The following STK3 variants were observed in gnomAD, a reference collection of about 807,000 sequenced individuals.
The protein encoded by STK3 is serine/threonine-protein kinase 3.
Under a neutral mutation model 58.0 loss-of-function variants are expected in STK3, and 41 were observed. The ratio of observed to expected loss-of-function variants is 0.71; its 90% confidence interval spans 0.55 to 0.92. The LOEUF (loss-of-function observed/expected upper bound fraction) is 0.92, where lower values mean the gene tolerates loss of function less well. Among genes scored for constraint, STK3 ranks in the 40% least tolerant of loss-of-function variants. STK3 has a pLI of 0.00. For synonymous variants in STK3, 170 were observed against 191.0 expected, an observed-to-expected ratio of 0.89 and a Z score of 0.91; for missense variants, 479 against 602.7, an observed-to-expected ratio of 0.79 and a Z score of 2.15.
chr8:98,594,024 T>C (rs1360823611), intron 7 of STK3, among the ~76,000 whole-genome samples: 1 of 152,104 alleles, frequency 6.6e-6, no homozygotes, highest in Non-Finnish European at 1.5e-5. Flanking sequence ...CATATATATT[T>C]CAGCAGGGCG....
In STK3 at chr8:98,858,735, T is replaced by G. The variant is rs535309775; in HGVS notation, c.110+24912A>C. On this transcript the variant is annotated intron_variant, in intron 3 of 12. Transcript: ENST00000523601. The stretch of plus-strand genomic sequence containing the variant: ...GGTGAAATCCTGTCTCTACTAAAAA[T>G]ACAAAAATTAGCTGGGCGTGGTGGT... Among the ~76,000 whole-genome samples the G allele has an allele frequency of 2.7e-3, 413 of 151,674 alleles. 3 individuals are homozygous for G. The highest frequency in any genetic ancestry group is 4.5e-3 in the Non-Finnish European group (307 of 67,886).
At chr8:98,706,145 C>T (rs1587364931) in intron 6 of STK3, among the ~76,000 whole-genome samples, 1 of 151,450 alleles carries the variant, frequency 6.6e-6, no homozygotes, top group African/African-American at 2.4e-5. Flanking sequence ...CTACCACAAT[C>T]AAGAAAACAA....
At chr8:98,364,764 T>C in the STK3 span, among the ~76,000 whole-genome samples, 1 of 152,196 alleles carries the variant, frequency 6.6e-6, no homozygotes, top group Non-Finnish European at 1.5e-5. Context: ...ATGCCTCGTA[T>C]TTGCCTTCCA....
At chr8:98,546,972 T>G (rs1810750304) in intron 9 of STK3, among the ~76,000 whole-genome samples, 1 of 152,158 alleles carries the variant, frequency 6.6e-6, no homozygotes, top group Non-Finnish European at 1.5e-5. Flanking sequence ...GGGTCAGACC[T>G]CATGGCGGAG....
At chr8:98,877,295 A>G (rs1004369039) in intron 3 of STK3, among the ~76,000 whole-genome samples, 4 of 152,202 alleles carry the variant, frequency 2.6e-5, no homozygotes, top group African/African-American at 9.6e-5. Context: ...GCAGTCTGAC[A>G]TCCTCCATAT....
At chr8:98,928,072 C>T (rs1839869035) in intron 1 of STK3, among the ~76,000 whole-genome samples, 1 of 152,124 alleles carries the variant, frequency 6.6e-6, no homozygotes, top group South Asian at 2.1e-4. Context: ...AGTGGGGAGC[C>T]TAGAGAAGAT....
chr8:98,794,852 G>C (rs1033006027), intron 1 of STK3, among the ~76,000 whole-genome samples: 3 of 151,698 alleles, frequency 2.0e-5, no homozygotes, highest in African/African-American at 7.3e-5. Context: ...TGGGTCACCT[G>C]AGGTTGGGAG....
At chr8:98,927,739 C>T (rs906430688) in intron 1 of STK3, among the ~76,000 whole-genome samples, 1 of 152,176 alleles carries the variant, frequency 6.6e-6, no homozygotes, top group Non-Finnish European at 1.5e-5. Flanking sequence ...GACACACTTC[C>T]CTGCTCTAGG....
At chr8:98,583,502 C>A (rs1003021562) in intron 7 of STK3, among the ~76,000 whole-genome samples, 80 of 113,790 alleles carry the variant, frequency 7.0e-4, no homozygotes, top group African/African-American at 2.4e-3. Flanking sequence ...TTGGGGTGGG[C>A]TGGGGTGGGA....
intron 3 of STK3, among the ~76,000 whole-genome samples, chr8:98,419,874 T>C (rs979026389): frequency 6.6e-6 from 1 of 152,200 alleles, no homozygotes; most frequent in Non-Finnish European, 1.5e-5. Context: ...TCATTGTCCA[T>C]GCTCTGTCTC....
rs948464375 is a variant in STK3, at chr8:98,429,587, G to A, written n.483+4540C>T. ...CAGTTTTTAGAATCGTTTTTAGAGG[G>A]TGGTGTGTCTGACACCATGCCTTTG... is the stretch of plus-strand genomic sequence containing the variant. On this transcript the variant is annotated intron_variant and non_coding_transcript_variant, in intron 3 of 3. Coordinates refer to the STK3 transcript ENST00000517832. 4 of 590,412 alleles carry A rather than the reference G, an allele frequency of 6.8e-6. No homozygotes were observed. In the African/African-American group the frequency reaches 7.5e-5, roughly 11 times the overall value. The allele number at this position is 590,412 out of a possible 1,614,324, so 36.6% of individuals were successfully genotyped here. A position where few individuals can be genotyped will look rare whatever the true frequency, so the allele number is the denominator to read the frequency against.
rs1469332607 is a variant in STK3 at position 98,923,528 on chromosome 8, A to G, written c.-79+18850T>C. 2.0e-5 allele frequency among the ~76,000 whole-genome samples: 3 copies of G among 152,322 alleles called. No individual in the cohort carries two copies. In the East Asian group the frequency reaches 5.8e-4, roughly 29 times the overall value. On this transcript the variant is annotated intron_variant, in intron 1 of 1. Coordinates refer to the STK3 transcript ENST00000519420. ...AACTGTGACAGAAGAAATCATGAAA[A>G]CAAACAAACAAACCTAAACCCTAGC...
intron 10 of STK3, among the ~76,000 whole-genome samples, chr8:98,462,793 T>C (rs1293174722): frequency 1.3e-5 from 2 of 152,208 alleles, no homozygotes; most frequent in Non-Finnish European, 2.9e-5. Context: ...ATAATCAACC[T>C]TTTGAATTCT....
chr8:98,907,349 T>TA (rs1368844604), intron 1 of STK3, among the ~76,000 whole-genome samples: 1 of 149,332 alleles, frequency 6.7e-6, no homozygotes, highest in Non-Finnish European at 1.5e-5. Flanking sequence ...CCGTCTTTAC[T>TA]AAAAATACAA....
chr8:98,445,954 G>GAAAAA (rs1430211059), intron 1 of STK3, among the ~76,000 whole-genome samples: 2 of 152,160 alleles, frequency 1.3e-5, no homozygotes, highest in African/African-American at 4.8e-5. Flanking sequence ...AGTGATTTGG[G>GAAAAA]AAAACAAAAA....
chr8:98,419,117 T>C (rs565207878), intron 3 of STK3, among the ~76,000 whole-genome samples: 10 of 152,248 alleles, frequency 6.6e-5, no homozygotes, highest in Admixed American at 5.9e-4. Context: ...TCCCAGCACT[T>C]TGGGGGGCCG....
At chr8:98,617,118 G>C (rs1817806915) in intron 6 of STK3, among the ~76,000 whole-genome samples, 1 of 151,564 alleles carries the variant, frequency 6.6e-6, no homozygotes, top group Admixed American at 6.6e-5. Context: ...CTATCTCTCA[G>C]ACCACAGTGC....
At chr8:98,913,775 G>A (rs868688137) in intron 1 of STK3, among the ~76,000 whole-genome samples, 4 of 152,260 alleles carry the variant, frequency 2.6e-5, no homozygotes, top group Admixed American at 6.5e-5. Flanking sequence ...GGAGCAACCA[G>A]AAGTCCAGGA....
At chr8:98,546,090 T>C (rs756706278) in intron 9 of STK3, among the ~76,000 whole-genome samples, 25 of 152,152 alleles carry the variant, frequency 1.6e-4, no homozygotes, top group Non-Finnish European at 2.5e-4. Context: ...GGATTTAAAA[T>C]TTGCTGAGGT....
Sources: gnomAD v4.1 joint callset for allele counts (sites outside exome capture counted in the v4.1 genomes callset) on GRCh38, gnomAD v4.1.1 for gene constraint, MANE v1.5 for transcripts, NCBI Gene and HGNC (gene_info 2026-07-23, HGNC 2026-07-21) for gene names.